The following TRPM3 variants were observed in gnomAD, a reference collection of about 807,000 sequenced individuals.
TRPM3 encodes transient receptor potential cation channel subfamily M member 3.
Under a neutral mutation model 181.2 loss-of-function variants are expected in TRPM3, and 77 were observed. The observed-to-expected ratio is 0.42, with a 90% confidence interval of 0.35 to 0.51. The LOEUF (loss-of-function observed/expected upper bound fraction) is 0.51. TRPM3 is among the 20% of genes least tolerant of loss of function. TRPM3 has a pLI of 0.01. For synonymous variants in TRPM3, 745 were observed against 796.4 expected (o/e 0.94, Z 1.09); for missense variants, 1,759 against 2,196.7 (o/e 0.80, Z 3.98).
chr9:70,641,025 A>G (rs1377977399), intron 9 of TRPM3, among the ~76,000 whole-genome samples: 1 of 152,160 alleles, frequency 6.6e-6, no homozygotes, highest in African/African-American at 2.4e-5. Flanking sequence ...CCTTGACTGA[A>G]CCCAGTAGAT....
At chr9:71,121,671 G>C (rs986824501), upstream of TRPM3, 39 of 1,105,274 alleles carry the variant, frequency 3.5e-5, no homozygotes, top group South Asian at 1.5e-4. Flanking sequence ...TCAGGCGTTG[G>C]GGGGGAACCG....
At chr9:71,439,640 A>G (rs150283017) in intron 1 of TRPM3, among the ~76,000 whole-genome samples, 283 of 152,304 alleles carry the variant, frequency 1.9e-3, no homozygotes, top group African/African-American at 6.7e-3. Context: ...GATCCAGACA[A>G]TCAAGGAAAT....
At position 70,884,015 on chromosome 9, in the gene TRPM3, C is replaced by A. The variant is rs540090055; in HGVS notation, c.178-19504G>T. Among the ~76,000 whole-genome samples the A allele has an allele frequency of 6.6e-5, 10 of 152,016 alleles. No homozygotes were observed. The East Asian group carries it at 7.7e-4, about 12-fold the overall frequency. ...GAAACGATTGCAGTTTTAGCTCCGA[C>A]ATGTGTGGGTCTTGATGTCCCAAGG... On this transcript the variant is annotated intron_variant, in intron 1 of 25. Coordinates refer to ENST00000677713, the MANE Select transcript of TRPM3 (RefSeq NM_001366145.2).
intron 8 of TRPM3, among the ~76,000 whole-genome samples, chr9:70,757,784 T>C (rs991650098): frequency 6.6e-6 from 1 of 152,204 alleles, no homozygotes; most frequent in African/African-American, 2.4e-5. Flanking sequence ...TAACACCCCT[T>C]CATGCTAAAA....
chr9:70,968,869 G>T (rs2097211012), intron 1 of TRPM3, among the ~76,000 whole-genome samples: 1 of 152,028 alleles, frequency 6.6e-6, no homozygotes, highest in Non-Finnish European at 1.5e-5. Context: ...ACTCAAGATG[G>T]ATTAAAGACT....
At chr9:70,919,184 T>C (rs2096630568) in intron 1 of TRPM3, among the ~76,000 whole-genome samples, 1 of 152,180 alleles carries the variant, frequency 6.6e-6, no homozygotes, top group Admixed American at 6.5e-5. Flanking sequence ...TAGATGTTGA[T>C]TTGTTAAGAA....
intron 1 of TRPM3, among the ~76,000 whole-genome samples, chr9:71,113,609 G>A (rs1310205248): frequency 6.6e-6 from 1 of 151,992 alleles, no homozygotes. Flanking sequence ...ACTACCTATC[G>A]ACTACACATT....
chr9:71,325,085 C>T (rs913228012), intron 1 of TRPM3, among the ~76,000 whole-genome samples: 2 of 151,956 alleles, frequency 1.3e-5, no homozygotes, highest in Admixed American at 1.3e-4. Flanking sequence ...TGATGGGTAC[C>T]TAAAATACCC....
At chr9:70,592,417 G>A (rs535586293) in intron 21 of TRPM3, among the ~76,000 whole-genome samples, 2 of 152,294 alleles carry the variant, frequency 1.3e-5, no homozygotes, top group African/African-American at 2.4e-5. Context: ...TGAGTTCTCC[G>A]CCAGTGAAAC....
intron 5 of TRPM3, among the ~76,000 whole-genome samples, chr9:70,834,901 G>A (rs1009238335): frequency 6.6e-6 from 1 of 152,212 alleles, no homozygotes; most frequent in African/African-American, 2.4e-5. Flanking sequence ...TTGAGTGCTT[G>A]TCTCCCCGAA....
chr9:71,056,403 A>G (rs1477796194), intron 1 of TRPM3, among the ~76,000 whole-genome samples: 2 of 151,840 alleles, frequency 1.3e-5, no homozygotes, highest in African/African-American at 2.4e-5. Context: ...ATAATGAGAC[A>G]CTCTTCATAA....
At chr9:70,812,754 T>C (rs2092250434) in intron 6 of TRPM3, among the ~76,000 whole-genome samples, 1 of 152,188 alleles carries the variant, frequency 6.6e-6, no homozygotes, top group Non-Finnish European at 1.5e-5. Flanking sequence ...CATGCTGGTA[T>C]TTTCAGCTTC....
At chr9:71,031,773 T>C (rs1443676341) in intron 1 of TRPM3, among the ~76,000 whole-genome samples, 1 of 150,388 alleles carries the variant, frequency 6.6e-6, no homozygotes, top group Non-Finnish European at 1.5e-5. Context: ...GTTTGGCCAC[T>C]AATATTTTCA....
chr9:71,435,085 G>A (rs531828721), intron 1 of TRPM3, among the ~76,000 whole-genome samples: 79 of 152,170 alleles, frequency 5.2e-4, no homozygotes, highest in Non-Finnish European at 8.7e-4. Context: ...TACCTGTACA[G>A]CTTCGATTTA....
At chr9:70,574,675 G>A (rs542494393) in intron 22 of TRPM3, among the ~76,000 whole-genome samples, 2 of 152,232 alleles carry the variant, frequency 1.3e-5, no homozygotes, top group African/African-American at 4.8e-5. Context: ...TCCCCATTAC[G>A]CAGGAGAGTG....
intron 1 of TRPM3, among the ~76,000 whole-genome samples, chr9:71,329,737 T>A (rs1333057086): frequency 1.3e-5 from 2 of 152,148 alleles, no homozygotes; most frequent in African/African-American, 4.8e-5. Flanking sequence ...GCATCCTTTA[T>A]CCTGAAGAAA....
intron 12 of TRPM3, among the ~76,000 whole-genome samples, chr9:70,633,586 C>G (rs2066303411): frequency 6.6e-6 from 1 of 152,100 alleles, no homozygotes; most frequent in Non-Finnish European, 1.5e-5. Flanking sequence ...TTTGCAAGGG[C>G]CAAAGGATGG....
Position 71,406,071 on chromosome 9 carries a change from C to A in TRPM3, c.183+40582G>T, listed in dbSNP as rs566210915. ...CAGGCAGATCACGAGGTCAAGAGAT[C>A]GAGACCATCCTGGCTAACATGGTGA... On this transcript the variant is annotated intron_variant, in intron 1 of 24. Transcript: ENST00000357533. 6.6e-5 allele frequency among the ~76,000 whole-genome samples: 10 copies of A among 152,200 alleles called. No homozygotes were observed. In the South Asian group the frequency reaches 1.7e-3, roughly 25 times the overall value.
chr9:71,436,227 G>A lies in TRPM3; in HGVS notation c.183+10426C>T, dbSNP rs150898443. ...TCCTGCCTTGATTCTGAGGCCTCCCGCCTTGATTCTGAGGCCTCCTCAGCC... is the reference window on the plus strand; with the variant it reads ...TCCTGCCTTGATTCTGAGGCCTCCCACCTTGATTCTGAGGCCTCCTCAGCC... On this transcript the variant is annotated intron_variant, in intron 1 of 24. Coordinates refer to the TRPM3 transcript ENST00000357533. 5.3e-3 allele frequency among the ~76,000 whole-genome samples: 661 copies of A among 124,056 alleles called. 2 individuals carry two copies. The highest frequency in any genetic ancestry group is 0.021 in the Admixed American group (259 of 12,286). 81.4% of individuals were successfully genotyped at this position (124,056 alleles called of 152,430 possible).
Sources: gnomAD v4.1 joint callset for allele counts (sites outside exome capture counted in the v4.1 genomes callset) on GRCh38, gnomAD v4.1.1 for gene constraint, MANE v1.5 for transcripts, NCBI Gene and HGNC (gene_info 2026-07-23, HGNC 2026-07-21) for gene names.